Variants in THRAP3 observed in about 807,000 individuals in gnomAD.
The protein encoded by THRAP3 is thyroid hormone receptor-associated protein 3.
In THRAP3, 16 loss-of-function variants were observed where a neutral mutation model predicts 101.0. The ratio of observed to expected loss-of-function variants is 0.16; its 90% CI spans 0.11 to 0.24. The LOEUF is 0.24. Ranked by LOEUF, THRAP3 falls within the 10% of genes least tolerant of loss-of-function variation. The pLI is 1.00. For missense variants in THRAP3, 989 were observed against 1,202.7 expected (o/e 0.82, Z 2.63); for synonymous variants, 407 against 422.6 (o/e 0.96, Z 0.45).
In THRAP3 at chr1:36,296,643, A is replaced by C; in HGVS notation, c.2176A>C (p.Lys726Gln). 1 of 1,602,034 alleles carries C rather than the reference A, an allele frequency of 6.2e-7. No homozygotes were observed. Among genetic ancestry groups the C allele is most frequent in the Non-Finnish European group, 8.5e-7 (1 of 1,177,180 alleles). ...CCGCCTTGATATTGAACGTCGTAAA[A>C]AACATAAGGAGAGAGATCTTAAACG... ...DLRLDIERRK[K>Q]HKERDLKRGK... The change falls in exon 9 of 12, where the codon AAA (lysine) becomes CAA (glutamine). Residue 726 changes from lysine to glutamine, a missense_variant. Physicochemically the swap from Lys to Gln is moderately conservative, Grantham distance 53 (BLOSUM62 1). Coordinates refer to ENST00000354618, the MANE Select transcript of THRAP3 (RefSeq NM_005119.4).
chr1:36,281,187 G>A (rs1381128019), intron 2 of THRAP3, among the ~76,000 whole-genome samples: 1 of 152,092 alleles, frequency 6.6e-6, no homozygotes, highest in Non-Finnish European at 1.5e-5. Context: ...GATTACAGGC[G>A]TGAGCCACCG....
At chr1:36,288,610 T>C (rs1645825880) in intron 4 of THRAP3, 5 of 985,454 alleles carry the variant, frequency 5.1e-6, no homozygotes, top group Non-Finnish European at 6.0e-6. Context: ...TTTTTAGACT[T>C]GTATTTCCAA....
chr1:36,227,691 G>A (rs1644977398), intron 1 of THRAP3, among the ~76,000 whole-genome samples: 1 of 152,144 alleles, frequency 6.6e-6, no homozygotes, highest in Non-Finnish European at 1.5e-5. Context: ...TTAAGAGACC[G>A]AAGATGGTAG....
chr1:36,290,528 C>T (rs778235222), intron 5 of THRAP3, among the ~76,000 whole-genome samples: 2 of 152,068 alleles, frequency 1.3e-5, no homozygotes, highest in Non-Finnish European at 2.9e-5. Context: ...TGCAGTGGTG[C>T]ACTCTCAACT....
Position 36,267,962 on chromosome 1 carries a change from T to C in THRAP3, c.-32+8478T>C, listed in dbSNP as rs71516393. Reference sequence around the variant, plus strand: ...TGGGAGGCCGAGGCAGATGGATCACTTGAGGCCAGGAGTTCAAGACCAGCC... The same window carrying C: ...TGGGAGGCCGAGGCAGATGGATCACCTGAGGCCAGGAGTTCAAGACCAGCC... On this transcript the variant is annotated intron_variant, in intron 2 of 11. Coordinates refer to ENST00000354618, the MANE Select transcript of THRAP3 (RefSeq NM_005119.4). Among the ~76,000 whole-genome samples the C allele has an allele frequency of 0.01, 107 of 10,460 alleles. 39 individuals are homozygous for C. The East Asian group carries it at 0.11, about 11-fold the overall frequency. 6.9% of individuals were successfully genotyped at this position (10,460 alleles called of 152,430 possible).
At chr1:36,224,948 A>G (rs1311088310) in intron 1 of THRAP3, 1 of 152,286 alleles carries the variant, frequency 6.6e-6, no homozygotes, top group African/African-American at 2.4e-5. Context: ...AGTAAATGTT[A>G]GTACCGCTTC....
At position 36,279,249 on chromosome 1, in the gene THRAP3, C is replaced by T. The variant is rs1012199911; in HGVS notation, c.-31-3284C>T. Among the ~76,000 whole-genome samples the T allele has an allele frequency of 3.3e-5, 5 of 152,034 alleles. No individual in the cohort carries two copies. The East Asian group carries it at 5.8e-4, about 18-fold the overall frequency. ...TCTTTTAAAGTCTGATAATATCCACCTGTTGTGTAAGTCATCTGGATGGAT... is the reference window on the plus strand; with the variant it reads ...TCTTTTAAAGTCTGATAATATCCACTTGTTGTGTAAGTCATCTGGATGGAT... On this transcript the variant is annotated intron_variant, in intron 2 of 11. Coordinates refer to ENST00000354618, the MANE Select transcript of THRAP3 (RefSeq NM_005119.4).
At chr1:36,211,147 C>T in the THRAP3 span, among the ~76,000 whole-genome samples, 1 of 151,510 alleles carries the variant, frequency 6.6e-6, no homozygotes, top group Non-Finnish European at 1.5e-5. Context: ...CAGGATTGAG[C>T]CCAGGGGTTC....
At chr1:36,263,434 G>T (rs1399295346) in intron 2 of THRAP3, among the ~76,000 whole-genome samples, 3 of 152,144 alleles carry the variant, frequency 2.0e-5, no homozygotes, top group African/African-American at 7.2e-5. Flanking sequence ...TAAGTGTCAT[G>T]ATTGGCTGCT....
intron 1 of THRAP3, among the ~76,000 whole-genome samples, chr1:36,253,996 G>C (rs1211864700): frequency 6.6e-6 from 1 of 152,028 alleles, no homozygotes; most frequent in African/African-American, 2.4e-5. Context: ...AACAGTAATA[G>C]TGGTTAAGGG....
At chr1:36,288,524 A>G in intron 4 of THRAP3, 1 of 985,404 alleles carries the variant, frequency 1.0e-6, no homozygotes. Flanking sequence ...ATTAACATGT[A>G]TTTTGTTTTT....
chr1:36,239,324 A>G (rs1452928756), intron 1 of THRAP3, among the ~76,000 whole-genome samples: 1 of 136,430 alleles, frequency 7.3e-6, no homozygotes, highest in Non-Finnish European at 1.5e-5. Context: ...CAGTGGCTCG[A>G]TGTCAGCTTA....
chr1:36,303,316 G>A (rs867874340), intron 11 of THRAP3, among the ~76,000 whole-genome samples: 16 of 151,926 alleles, frequency 1.1e-4, no homozygotes, highest in Non-Finnish European at 1.6e-4. Context: ...GGAGTTGCAC[G>A]TTTTGGTGTG....
At position 36,252,015 on chromosome 1, in the gene THRAP3, T is replaced by C. The variant is rs867496382; in HGVS notation, c.-134-7367T>C. On this transcript the variant is annotated intron_variant, in intron 1 of 11. Coordinates refer to ENST00000354618, the MANE Select transcript of THRAP3 (RefSeq NM_005119.4). ...CTTTGGGATGACTAATTACTGACTTTTATTTGTTTTACTATGAGTTGCTGG... is the reference window on the plus strand; with the variant it reads ...CTTTGGGATGACTAATTACTGACTTCTATTTGTTTTACTATGAGTTGCTGG... Among the ~76,000 whole-genome samples the C allele has an allele frequency of 3.3e-5, 5 of 152,214 alleles. No individual in the cohort carries two copies. In the South Asian group the frequency reaches 1.0e-3, roughly 32 times the overall value.
intron 1 of THRAP3, among the ~76,000 whole-genome samples, chr1:36,230,140 A>T (rs1489741461): frequency 6.8e-6 from 1 of 147,612 alleles, no homozygotes; most frequent in Admixed American, 6.8e-5. Flanking sequence ...CTTTTTTTTT[A>T]GACGGAGTTT....
At chr1:36,214,763 G>T in the THRAP3 span, among the ~76,000 whole-genome samples, 1 of 151,916 alleles carries the variant, frequency 6.6e-6, no homozygotes, top group African/African-American at 2.4e-5. Flanking sequence ...GGAGACTGAG[G>T]CAGGAGAATC....
At chr1:36,299,708 C>T (rs1344381905) in intron 9 of THRAP3, among the ~76,000 whole-genome samples, 1 of 151,940 alleles carries the variant, frequency 6.6e-6, no homozygotes. Flanking sequence ...GGGGTTTCGC[C>T]ATGTTGGCCA....
In THRAP3 at chr1:36,291,444, G is replaced by A. The variant is rs778825083; in HGVS notation, c.1816G>A (p.Glu606Lys). The A allele has an allele frequency of 1.8e-5, 29 of 1,614,182 alleles. No individual in the cohort carries two copies. The highest frequency in any genetic ancestry group is 2.5e-5 in the Non-Finnish European group (29 of 1,180,042). The change falls in exon 6 of 12, where the codon GAG (glutamate) becomes AAG (lysine). Residue 606 changes from glutamate to lysine, a missense_variant. Coordinates refer to ENST00000354618, the MANE Select transcript of THRAP3 (RefSeq NM_005119.4). ...AGTCCATAGCAACAAAAAGGAACAGGAGTTTCGTTCCATTTTCCAGCACAT... is the reference window on the plus strand; with the variant it reads ...AGTCCATAGCAACAAAAAGGAACAGAAGTTTCGTTCCATTTTCCAGCACAT... ...DLVHSNKKEQ[E>K]FRSIFQHIQS...
rs538585239 is a variant in THRAP3, at chr1:36,238,284, A to G, written c.-135+13779A>G. Among the ~76,000 whole-genome samples the G allele has an allele frequency of 3.3e-5, 5 of 152,286 alleles. No homozygotes were observed. The East Asian group carries it at 5.8e-4, about 18-fold the overall frequency. On this transcript the variant is annotated intron_variant, in intron 1 of 11. Transcript: ENST00000354618. ...GTGCTCAGCCTGAACTAGAATTTAG[A>G]TTAAGTACCACATTTGATGTTACTT...
Sources: gnomAD v4.1 joint callset for allele counts (sites outside exome capture counted in the v4.1 genomes callset) on GRCh38, gnomAD v4.1.1 for gene constraint, MANE v1.5 for transcripts, NCBI Gene and HGNC (gene_info 2026-07-23, HGNC 2026-07-21) for gene names.